The following XKR9 variants were observed in gnomAD, a reference collection of about 807,000 sequenced individuals.
The protein encoded by XKR9 is XK-related protein 9.
Under a neutral mutation model 32.0 loss-of-function variants are expected in XKR9, and 32 were observed. The ratio of observed to expected loss-of-function variants is 1.00; its 90% CI spans 0.76 to 1.34. XKR9 has a LOEUF of 1.34. Ranked by LOEUF, XKR9 falls within the 40% of genes most tolerant of loss-of-function variation. The probability of loss-of-function intolerance (pLI) is 0.00; values close to 1 mark genes in which losing one functional copy is unlikely to be tolerated. For synonymous variants in XKR9, 168 were observed against 143.4 expected, an observed-to-expected ratio of 1.17 and a Z score of -1.22; for missense variants, 546 against 429.7, an observed-to-expected ratio of 1.27 and a Z score of -2.39.
the XKR9 span, among the ~76,000 whole-genome samples, chr8:70,976,976 T>C: frequency 6.6e-6 from 1 of 152,314 alleles, no homozygotes; most frequent in South Asian, 2.1e-4. Flanking sequence ...AATTTATCCA[T>C]TTCTTCTAGA....
chr8:70,738,411 A>C (rs969759930), downstream of XKR9, among the ~76,000 whole-genome samples: 34 of 147,850 alleles, frequency 2.3e-4, no homozygotes, highest in African/African-American at 8.4e-4. Context: ...TGATCCTTTC[A>C]AAAAATCAGC....
At chr8:70,914,508 T>G in the XKR9 span, among the ~76,000 whole-genome samples, 1 of 152,170 alleles carries the variant, frequency 6.6e-6, no homozygotes, top group African/African-American at 2.4e-5. Flanking sequence ...TATTGGCCAT[T>G]TGGATATCCT....
chr8:71,030,847 G>A, the XKR9 span, among the ~76,000 whole-genome samples: 1 of 152,074 alleles, frequency 6.6e-6, no homozygotes, highest in African/African-American at 2.4e-5. Flanking sequence ...CACCTTATAG[G>A]AGAAATCTTG....
At chr8:71,056,993 T>C in the XKR9 span, among the ~76,000 whole-genome samples, 1 of 152,228 alleles carries the variant, frequency 6.6e-6, no homozygotes, top group African/African-American at 2.4e-5. Context: ...ACTTCCTGAG[T>C]AGATACTGGG....
At chr8:70,995,654 C>G in the XKR9 span, among the ~76,000 whole-genome samples, 1 of 152,132 alleles carries the variant, frequency 6.6e-6, no homozygotes, top group Non-Finnish European at 1.5e-5. Context: ...ACTCTTTGTT[C>G]TTTGAATATG....
chr8:71,053,248 G>C, the XKR9 span, among the ~76,000 whole-genome samples: 4 of 152,320 alleles, frequency 2.6e-5, no homozygotes, highest in African/African-American at 9.6e-5. Flanking sequence ...TGTGCACACA[G>C]GCATGCCCTC....
Position 70,734,110 on chromosome 8 carries a change from A to G in XKR9, c.808A>G (p.Ile270Val). The G allele has an allele frequency of 6.2e-7, 1 of 1,612,648 alleles. No individual in the cohort carries two copies. The highest frequency in any genetic ancestry group is 1.7e-5 in the Admixed American group (1 of 59,908). ...CTTATATAGGATTGTTGTTGGATTCATTCTTATCTTTACATTTTTTAATAT... is the reference window on the plus strand; with the variant it reads ...CTTATATAGGATTGTTGTTGGATTCGTTCTTATCTTTACATTTTTTAATAT... ...EFLYRIVVGF[I>V]LIFTFFNIKG... The change falls in exon 5 of 5, where the codon ATT becomes GTT. Residue 270 changes from isoleucine to valine, a missense_variant. Physicochemically the swap from Ile to Val is conservative, Grantham distance 29 (BLOSUM62 3). Coordinates refer to ENST00000408926, the MANE Select transcript of XKR9 (RefSeq NM_001011720.2).
chr8:70,980,585 A>G, the XKR9 span, among the ~76,000 whole-genome samples: 11 of 152,232 alleles, frequency 7.2e-5, no homozygotes, highest in African/African-American at 9.6e-5. Flanking sequence ...CCATTCTGCC[A>G]TTCCTTGTCT....
chr8:71,004,663 T>A, the XKR9 span, among the ~76,000 whole-genome samples: 2 of 152,146 alleles, frequency 1.3e-5, no homozygotes, highest in East Asian at 3.9e-4. Context: ...ACATCCCCAC[T>A]TGAACCGCAC....
rs71264517 is a variant in XKR9, at chr8:70,686,412, A to AATAT, written c.272+5099_272+5102dup. On this transcript the variant is annotated intron_variant, in intron 3 of 4. Transcript: ENST00000408926. ...TGTGTGCCACCACACCGAGATAGCT[A>AATAT]ATATATATATATATATATATTTGGT... Among the ~76,000 whole-genome samples the AATAT allele has an allele frequency of 5.4e-5, 8 of 147,272 alleles. No homozygotes were observed. The East Asian group carries it at 1.2e-3, about 22-fold the overall frequency.
At chr8:70,829,425 G>A in the XKR9 span, among the ~76,000 whole-genome samples, 1 of 152,146 alleles carries the variant, frequency 6.6e-6, no homozygotes, top group East Asian at 1.9e-4. Context: ...CATTTTTAAA[G>A]CCTCTTGACA....
chr8:70,764,785 C>T (rs553415690), intron 2 of XKR9, among the ~76,000 whole-genome samples: 4 of 152,158 alleles, frequency 2.6e-5, no homozygotes, highest in East Asian at 1.9e-4. Context: ...TGTTCCTCTC[C>T]GTGTGTCCAT....
the XKR9 span, among the ~76,000 whole-genome samples, chr8:71,047,069 T>C: frequency 6.6e-6 from 1 of 152,244 alleles, no homozygotes; most frequent in African/African-American, 2.4e-5. Context: ...ATTAGGATAA[T>C]TGCATTGTTC....
At chr8:70,678,072 T>C (rs1818940360) in intron 2 of XKR9, 1 of 152,178 alleles carries the variant, frequency 6.6e-6, no homozygotes, top group African/African-American at 2.4e-5. Context: ...TAGCTGTTCC[T>C]TCAAGCTGGA....
chr8:70,880,596 A>C, the XKR9 span, among the ~76,000 whole-genome samples: 1 of 152,164 alleles, frequency 6.6e-6, no homozygotes, highest in Non-Finnish European at 1.5e-5. Flanking sequence ...GGAGAACAAC[A>C]AACCACTGCT....
chr8:70,829,406 G>C, the XKR9 span, among the ~76,000 whole-genome samples: 10 of 152,164 alleles, frequency 6.6e-5, no homozygotes, highest in Non-Finnish European at 1.5e-4. Context: ...TCTGGACCAA[G>C]GGTTTGACCA....
intron 4 of XKR9, among the ~76,000 whole-genome samples, chr8:70,728,654 G>A (rs1806558471): frequency 6.6e-6 from 1 of 152,130 alleles, no homozygotes; most frequent in South Asian, 2.1e-4. Flanking sequence ...AACAACAGGT[G>A]TACTATAGTA....
the XKR9 span, among the ~76,000 whole-genome samples, chr8:70,865,707 C>T: frequency 7.2e-5 from 11 of 152,100 alleles, no homozygotes. Context: ...TACTTCCATG[C>T]TCTTAGTCAA....
the XKR9 span, among the ~76,000 whole-genome samples, chr8:71,049,762 G>A: frequency 6.6e-6 from 1 of 152,140 alleles, no homozygotes; most frequent in Non-Finnish European, 1.5e-5. Flanking sequence ...CCTCGTTTAA[G>A]GAACTGAGTT....
Sources: allele counts gnomAD v4.1 joint callset (sites outside exome capture counted in the v4.1 genomes callset), GRCh38; gene constraint gnomAD v4.1.1; transcripts MANE v1.5; gene names NCBI Gene and HGNC (gene_info 2026-07-23, HGNC 2026-07-21).